CSNK1G1: variants seen among roughly 807,000 people sequenced by gnomAD.
CSNK1G1 encodes casein kinase I isoform gamma-1.
A neutral mutation model predicts 59.6 loss-of-function variants in CSNK1G1; 22 were observed. The ratio of observed to expected loss-of-function variants is 0.37; its 90% CI spans 0.26 to 0.53. The LOEUF is 0.53. Among genes scored for constraint, CSNK1G1 ranks in the 20% least tolerant of loss-of-function variants. The pLI, the probability that CSNK1G1 is intolerant of heterozygous loss-of-function variation, is 0.89. For missense variants in CSNK1G1, 384 were observed against 519.5 expected, an observed-to-expected ratio of 0.74 and a Z score of 2.54; for synonymous variants, 179 against 177.1, an observed-to-expected ratio of 1.01 and a Z score of -0.08.
At chr15:64,250,824 G>A (rs1892037954) in intron 4 of CSNK1G1, among the ~76,000 whole-genome samples, 1 of 152,088 alleles carries the variant, frequency 6.6e-6, no homozygotes, top group African/African-American at 2.4e-5. Flanking sequence ...ACAGTGAAGG[G>A]GGCATAAAGC....
chr15:64,250,726 T>C (rs1024255641), intron 4 of CSNK1G1, among the ~76,000 whole-genome samples: 23 of 151,538 alleles, frequency 1.5e-4, no homozygotes, highest in African/African-American at 5.6e-4. Context: ...GTCTGGGTGA[T>C]GGGAGTGAGA....
At chr15:64,336,628 T>C (rs1000453281) in intron 1 of CSNK1G1, among the ~76,000 whole-genome samples, 1 of 151,968 alleles carries the variant, frequency 6.6e-6, no homozygotes, top group African/African-American at 2.4e-5. Flanking sequence ...ATTTTTGATC[T>C]GAAAATGTAA....
In CSNK1G1 at chr15:64,201,706, A is replaced by ATGTGTGTGTG. The variant is rs10664838; in HGVS notation, c.1107+1366_1107+1375dup. On this transcript the variant is annotated intron_variant, in intron 10 of 11. Coordinates refer to ENST00000303052, the MANE Select transcript of CSNK1G1 (RefSeq NM_022048.5). Reference sequence around the variant, plus strand: ...TATTTGTGGGTGTACTCCATTGGACATGTGTGTGTGTGTGTGTGTGTGTGT... The same window carrying ATGTGTGTGTG: ...TATTTGTGGGTGTACTCCATTGGACATGTGTGTGTGTGTGTGTGTGTGTGTGTGTGTGTGT... Among the ~76,000 whole-genome samples the ATGTGTGTGTG allele has an allele frequency of 5.4e-3, 684 of 126,528 alleles. 1 individual carries two copies. The highest frequency in any genetic ancestry group is 8.3e-3 in the Admixed American group (106 of 12,838). 83.0% of individuals were successfully genotyped at this position (126,528 alleles called of 152,430 possible). A position where few individuals can be genotyped will look rare whatever the true frequency, so the allele number is the denominator to read the frequency against.
At position 64,269,538 on chromosome 15, in the gene CSNK1G1, G is replaced by T. The variant is rs559181723; in HGVS notation, c.182-10297C>A. Reference sequence around the variant, plus strand: ...AGACGGAGTCTTGCTCTGTGGCCCAGGCTGGAGTGCAGTGGTGCGATCTCA... The same window carrying T: ...AGACGGAGTCTTGCTCTGTGGCCCATGCTGGAGTGCAGTGGTGCGATCTCA... On this transcript the variant is annotated intron_variant, in intron 2 of 11. Transcript: ENST00000303052. Among the ~76,000 whole-genome samples the T allele has an allele frequency of 1.1e-4, 17 of 149,264 alleles. No individual in the cohort carries two copies. The South Asian group carries it at 3.6e-3, about 32-fold the overall frequency.
chr15:64,190,260 C>T (rs1281344791), intron 10 of CSNK1G1, among the ~76,000 whole-genome samples: 1 of 152,142 alleles, frequency 6.6e-6, no homozygotes, highest in Non-Finnish European at 1.5e-5. Flanking sequence ...GCTCTATTAC[C>T]TTATAAATGA....
At chr15:64,221,167 T>C (rs925666620) in intron 4 of CSNK1G1, among the ~76,000 whole-genome samples, 2 of 152,228 alleles carry the variant, frequency 1.3e-5, no homozygotes, top group African/African-American at 4.8e-5. Flanking sequence ...GTTGGTTAAA[T>C]TGCAAATCTG....
chr15:64,330,424 C>A (rs566428094), intron 1 of CSNK1G1, among the ~76,000 whole-genome samples: 1 of 151,220 alleles, frequency 6.6e-6, no homozygotes, highest in East Asian at 2.0e-4. Flanking sequence ...AAGACAAAAA[C>A]CACATGATTA....
intron 10 of CSNK1G1, among the ~76,000 whole-genome samples, chr15:64,196,218 A>G (rs2082037101): frequency 6.6e-6 from 1 of 152,160 alleles, no homozygotes; most frequent in Non-Finnish European, 1.5e-5. Context: ...TCCCATCTCT[A>G]TTAAAAAAAA....
At chr15:64,263,026 C>T (rs1410153815) in intron 2 of CSNK1G1, among the ~76,000 whole-genome samples, 1 of 132,104 alleles carries the variant, frequency 7.6e-6, no homozygotes, top group Non-Finnish European at 1.5e-5. Context: ...TTGCAGTGAG[C>T]GGAGATCACA....
At chr15:64,313,235 C>A (rs1358846989) in intron 1 of CSNK1G1, among the ~76,000 whole-genome samples, 9 of 152,190 alleles carry the variant, frequency 5.9e-5, no homozygotes, top group Non-Finnish European at 1.3e-4. Context: ...TTTGACCCAG[C>A]AATCCCATTA....
chr15:64,196,057 A>C (rs1162432479), intron 10 of CSNK1G1, among the ~76,000 whole-genome samples: 3 of 152,054 alleles, frequency 2.0e-5, no homozygotes, highest in Non-Finnish European at 4.4e-5. Context: ...TCTACAAAAA[A>C]TAAATAAACA....
At position 64,214,250 on chromosome 15, in the gene CSNK1G1, C is replaced by A; in HGVS notation, c.445-126G>T. ...AACAGTAAAATTCATCTCCTTTCACCGCCCTGAGTCACTTCACTGACTTGT... is the reference window on the plus strand; with the variant it reads ...AACAGTAAAATTCATCTCCTTTCACAGCCCTGAGTCACTTCACTGACTTGT... On this transcript the variant is annotated intron_variant, in intron 5 of 11. Transcript: ENST00000303052. This position sits in a 1 kb window ranked among gnomAD's most constrained non-coding sequence, Gnocchi z 4.3. The A allele has an allele frequency of 1.4e-6, 1 of 691,322 alleles. No individual in the cohort carries two copies. The highest frequency in any genetic ancestry group is 2.6e-5 in the East Asian group (1 of 37,832). 42.8% of individuals were successfully genotyped at this position (691,322 alleles called of 1,614,324 possible).
chr15:64,345,702 G>A (rs1407494581), intron 1 of CSNK1G1, among the ~76,000 whole-genome samples: 1 of 152,084 alleles, frequency 6.6e-6, no homozygotes. Flanking sequence ...AGAACGTTAG[G>A]AAACTCTCAT....
At chr15:64,195,441 A>T (rs2082026432) in intron 10 of CSNK1G1, among the ~76,000 whole-genome samples, 1 of 152,212 alleles carries the variant, frequency 6.6e-6, no homozygotes, top group South Asian at 2.1e-4. Flanking sequence ...TTTATGTAGC[A>T]TTTACGTAAG....
At chr15:64,268,183 A>G (rs1893084493) in intron 2 of CSNK1G1, among the ~76,000 whole-genome samples, 1 of 152,188 alleles carries the variant, frequency 6.6e-6, no homozygotes, top group Non-Finnish European at 1.5e-5. Flanking sequence ...GTGGCAAAGG[A>G]ATAAACATGG....
chr15:64,253,102 TG>T (rs1015545619), intron 3 of CSNK1G1, among the ~76,000 whole-genome samples: 1 of 152,052 alleles, frequency 6.6e-6, no homozygotes, highest in Non-Finnish European at 1.5e-5. Context: ...CCCAGCACTT[TG>T]GGAGGCTGAG....
At chr15:64,261,317 A>G (rs542364512) in intron 2 of CSNK1G1, among the ~76,000 whole-genome samples, 1 of 152,268 alleles carries the variant, frequency 6.6e-6, no homozygotes, top group East Asian at 1.9e-4. Context: ...AACTAGTTTT[A>G]GGGCCAGGTG....
intron 1 of CSNK1G1, among the ~76,000 whole-genome samples, chr15:64,303,620 T>C (rs912152518): frequency 5.3e-5 from 8 of 151,774 alleles, no homozygotes; most frequent in Middle Eastern, 3.2e-3. Context: ...GGCGTGGTTG[T>C]GCATGCCTGT....
At chr15:64,253,697 A>G (rs1892211618) in intron 3 of CSNK1G1, among the ~76,000 whole-genome samples, 1 of 152,234 alleles carries the variant, frequency 6.6e-6, no homozygotes, top group African/African-American at 2.4e-5. Flanking sequence ...TGGATAAACA[A>G]AATTGGGTAT....
Sources: allele counts gnomAD v4.1 joint callset (sites outside exome capture counted in the v4.1 genomes callset), GRCh38; gene constraint gnomAD v4.1.1; non-coding constraint Gnocchi (gnomAD v3.1); transcripts MANE v1.5; gene names NCBI Gene and HGNC (gene_info 2026-07-23, HGNC 2026-07-21).